Variants in KIF19 observed in about 807,000 individuals in gnomAD.
KIF19 encodes the protein kinesin-like protein KIF19.
Under a neutral mutation model 106.6 loss-of-function variants are expected in KIF19, and 98 were observed. That is an observed-to-expected ratio of 0.92 (90% CI 0.78 to 1.09). The LOEUF (loss-of-function observed/expected upper bound fraction) is 1.09, where lower values mean the gene tolerates loss of function less well. KIF19 is among the 50% of genes least tolerant of loss of function. The pLI, the probability that KIF19 is intolerant of heterozygous loss-of-function variation, is 0.00. For missense variants in KIF19, 1,373 were observed against 1,414.3 expected, an observed-to-expected ratio of 0.97 and a Z score of 0.47; for synonymous variants, 516 against 584.2, an observed-to-expected ratio of 0.88 and a Z score of 1.68.
In KIF19 at chr17:74,350,384, C is replaced by T. The variant is rs1329592855; in HGVS notation, c.1214-17C>T. 6.4e-7 allele frequency: 1 copy of T among 1,572,636 alleles called. No individual in the cohort carries two copies. On this transcript the variant is annotated splice_polypyrimidine_tract_variant and intron_variant, in intron 10 of 19. Coordinates refer to ENST00000389916, the MANE Select transcript of KIF19 (RefSeq NM_153209.4). ...CTTGCCGCCTCCTCTACCTTGCCCA[C>T]CCTCACCCATCGGCAGCTGAGGTCC...
intron 2 of KIF19, among the ~76,000 whole-genome samples, chr17:74,341,104 G>T (rs2054360425): frequency 6.6e-6 from 1 of 152,180 alleles, no homozygotes; most frequent in Non-Finnish European, 1.5e-5. Flanking sequence ...GGAGGCCGAG[G>T]CTGGCGGGTC....
Position 74,353,134 on chromosome 17 carries a change from G to C in KIF19, c.2115-62G>C, listed in dbSNP as rs2054766232. On this transcript the variant is annotated intron_variant, in intron 15 of 19. Coordinates refer to ENST00000389916, the MANE Select transcript of KIF19 (RefSeq NM_153209.4). The stretch of plus-strand genomic sequence containing the variant: ...CACCAACAGCTTCTCCCCTGGGGTG[G>C]GGGTGGGACCTCGGTGAGATAGCCT... 3 of 1,460,802 alleles carry C rather than the reference G, an allele frequency of 2.1e-6. No homozygotes were observed. In the African/African-American group the frequency reaches 4.2e-5, roughly 20 times the overall value. 90.5% of individuals were successfully genotyped at this position (1,460,802 alleles called of 1,614,324 possible).
Position 74,352,845 on chromosome 17 carries a change from C to T in KIF19, c.2005C>T (p.Pro669Ser). ...LQDSSLPKIT[P>S]AGTSLTPDSD... is the part of the protein sequence containing the mutation. ...GGACAGCTCCTTGCCCAAAATTACCCCAGCAGGAACCTCACTGACCCCAGA... is the reference window on the plus strand; with the variant it reads ...GGACAGCTCCTTGCCCAAAATTACCTCAGCAGGAACCTCACTGACCCCAGA... The change falls in exon 15 of 20, where the codon CCA (proline) becomes TCA (serine). Residue 669 changes from proline (P) to serine (S), a missense_variant. Coordinates refer to ENST00000389916, the MANE Select transcript of KIF19 (RefSeq NM_153209.4). The T allele has an allele frequency of 6.2e-7, 1 of 1,613,972 alleles. No homozygotes were observed. The highest frequency in any genetic ancestry group is 8.5e-7 in the Non-Finnish European group (1 of 1,179,880).
intron 9 of KIF19, 90 bp from the exon 10 acceptor site, chr17:74,349,094 A>G: frequency 7.6e-7 from 1 of 1,322,518 alleles, no homozygotes; most frequent in Non-Finnish European, 1.1e-6. Context: ...AGACTGGGGG[A>G]GGCAGGGGGA....
At chr17:74,342,767 C>G in intron 4 of KIF19, 50 bp downstream of exon 4, 1 of 1,523,724 alleles carries the variant, frequency 6.6e-7, no homozygotes, top group Non-Finnish European at 9.1e-7. Flanking sequence ...CCCCTGTAAT[C>G]CCCGTCACCC....
chr17:74,350,778 ACGACAGCGAGAAG>A lies in KIF19; in HGVS notation c.1461_1473del (p.Asp487GlufsTer184). On this transcript the variant is annotated frameshift_variant, in exon 12 of 20. Transcript: ENST00000389916. LOFTEE classifies it high-confidence loss of function. ...CAGCGAAAGGAGTGCTACGCTAAGG[ACGACAGCGAGAAG>A]GACTCAGACACAGGTGATGACCAAC... The A allele has an allele frequency of 1.9e-6, 3 of 1,613,996 alleles. No homozygotes were observed. Among genetic ancestry groups the A allele is most frequent in the Non-Finnish European group, 1.7e-6 (2 of 1,179,894 alleles).
rs1203014799 is a variant in KIF19, at chr17:74,346,872, C to T, written c.924+348C>T. Reference sequence around the variant, plus strand: ...GTGGGCAGTCAGCCTCATGGCCCCACAGGTCAGCTGTTTGGGGGTGGCCTC... The same window carrying T: ...GTGGGCAGTCAGCCTCATGGCCCCATAGGTCAGCTGTTTGGGGGTGGCCTC... On this transcript the variant is annotated intron_variant, in intron 8 of 19. Coordinates refer to ENST00000389916, the MANE Select transcript of KIF19 (RefSeq NM_153209.4). This position sits in a 1 kb window ranked among gnomAD's most constrained non-coding sequence, Gnocchi z 4.6. Among the ~76,000 whole-genome samples, 1 of 152,162 alleles carries T rather than the reference C, an allele frequency of 6.6e-6. No homozygotes were observed. Among genetic ancestry groups the T allele is most frequent in the Non-Finnish European group, 1.5e-5 (1 of 68,030 alleles).
chr17:74,328,527 G>A (rs1476394375), intron 2 of KIF19, 22 bp downstream of exon 2: 1 of 1,577,554 alleles, frequency 6.3e-7, no homozygotes, highest in African/African-American at 1.3e-5. Flanking sequence ...TCTGCAGCAG[G>A]AGCTGCAGGG....
chr17:74,327,857 C>T (rs946542890), intron 1 of KIF19, among the ~76,000 whole-genome samples: 1 of 152,210 alleles, frequency 6.6e-6, no homozygotes, highest in African/African-American at 2.4e-5. Flanking sequence ...AAGACGTGCT[C>T]CCCACTCCAC....
intron 4 of KIF19, 131 bp downstream of exon 4, chr17:74,342,848 C>A: frequency 1.7e-6 from 2 of 1,199,656 alleles, no homozygotes; most frequent in Admixed American, 2.1e-5. Flanking sequence ...CCAGGGCCCT[C>A]CAGCCCCAGA....
At chr17:74,332,218 G>GTGTGTT (rs1555619607) in intron 2 of KIF19, among the ~76,000 whole-genome samples, 17,673 of 106,710 alleles carry the variant, frequency 0.17, 941 homozygotes, top group Non-Finnish European at 0.24. Context: ...GTTTGTGTGT[G>GTGTGTT]TGTGTGTGTG....
At position 74,341,915 on chromosome 17, in the gene KIF19, A is replaced by C. The variant is rs2054384416; in HGVS notation, c.160A>C (p.Ile54Leu). ...GGACCCAATGGAGGATCCCGACGACATCCTGCGGGCGCATCGCTCCCGGGA... is the reference window on the plus strand; with the variant it reads ...GGACCCAATGGAGGATCCCGACGACCTCCTGCGGGCGCATCGCTCCCGGGA... ...LMDPMEDPDD[I>L]LRAHRSREKS... is the part of the protein sequence containing the mutation. The change falls in exon 3 of 20, where the codon ATC (isoleucine) becomes CTC (leucine). Residue 54 changes from isoleucine (I) to leucine (L), a missense_variant. Coordinates refer to ENST00000389916, the MANE Select transcript of KIF19 (RefSeq NM_153209.4). 6.2e-7 allele frequency: 1 copy of C among 1,613,530 alleles called. No individual in the cohort carries two copies. The highest frequency in any genetic ancestry group is 8.5e-7 in the Non-Finnish European group (1 of 1,179,824).
At chr17:74,334,148 G>A (rs2054167059) in intron 2 of KIF19, among the ~76,000 whole-genome samples, 1 of 152,092 alleles carries the variant, frequency 6.6e-6, no homozygotes, top group Non-Finnish European at 1.5e-5. Flanking sequence ...TCCTTTTGCT[G>A]GCTGAATAAT....
Position 74,352,078 on chromosome 17 carries a change from T to A in KIF19, c.1799T>A (p.Leu600Gln), listed in dbSNP as rs2054726072. The change falls in exon 13 of 20, where the codon CTG becomes CAG. Residue 600 changes from leucine (L) to glutamine (Q), a missense_variant. Physicochemically the swap from Leu to Gln is moderately radical, Grantham distance 113. Around this residue, in one of 3 missense-constraint regions of KIF19, gnomAD observed 1,020 missense variants for 1,008.2 expected, o/e 1.01. Transcript: ENST00000389916. ...CACCGCCACGAGGCCGTGCGCCGCC[T>A]GGAGCAGCACCGCAGTCTCTGCGAC... ...LRHRHEAVRR[L>Q]EQHRSLCDEI... The A allele has an allele frequency of 1.3e-6, 2 of 1,594,636 alleles. No homozygotes were observed. The highest frequency in any genetic ancestry group is 1.7e-6 in the Non-Finnish European group (2 of 1,173,130).
In KIF19 at chr17:74,346,649, G is replaced by C. The variant is rs559334220; in HGVS notation, c.924+125G>C. 6.1e-6 allele frequency: 5 copies of C among 823,430 alleles called. No individual in the cohort carries two copies. The East Asian group carries it at 1.3e-4, about 22-fold the overall frequency. 51.0% of individuals were successfully genotyped at this position (823,430 alleles called of 1,614,324 possible). On this transcript the variant is annotated intron_variant, in intron 8 of 19. Coordinates refer to ENST00000389916, the MANE Select transcript of KIF19 (RefSeq NM_153209.4). This position sits in a 1 kb window ranked among gnomAD's most constrained non-coding sequence, Gnocchi z 4.6. ...GATACACAGCAAAATTTATTTTAGCGTAAATATGTCCCATGAAATATTTGG... is the reference window on the plus strand; with the variant it reads ...GATACACAGCAAAATTTATTTTAGCCTAAATATGTCCCATGAAATATTTGG...
At chr17:74,344,195 C>T in intron 5 of KIF19, 28 bp from the exon 6 acceptor site, 1 of 1,594,670 alleles carries the variant, frequency 6.3e-7, no homozygotes, top group Non-Finnish European at 8.5e-7. Context: ...TCTCCCTTCC[C>T]CCACCCCTCC....
chr17:74,345,493 G>A (rs2054509517), intron 7 of KIF19, among the ~76,000 whole-genome samples: 2 of 152,058 alleles, frequency 1.3e-5, no homozygotes, highest in Non-Finnish European at 2.9e-5. Flanking sequence ...ATGAAGCTTG[G>A]CTTTGTGGCA....
Position 74,351,856 on chromosome 17 carries a change from G to C in KIF19, c.1588-11G>C. The C allele has an allele frequency of 7.2e-7, 1 of 1,380,544 alleles. No homozygotes were observed. The highest frequency in any genetic ancestry group is 9.3e-7 in the Non-Finnish European group (1 of 1,075,384). The allele number at this position is 1,380,544 out of a possible 1,614,324, so 85.5% of individuals were successfully genotyped here. On this transcript the variant is annotated splice_polypyrimidine_tract_variant and intron_variant, in intron 12 of 19. Transcript: ENST00000389916. ...TCCCCGCTGCCAGATGCTGACCTGC[G>C]CCTCCTGCAGCTGGCGCTGGAGCAG...
At chr17:74,350,295 G>A in intron 10 of KIF19, 106 bp from the exon 11 acceptor site, 1 of 1,056,692 alleles carries the variant, frequency 9.5e-7, no homozygotes, top group Non-Finnish European at 1.4e-6. Context: ...CAGGAAGTGG[G>A]AGCACTGAGT....
Sources: gnomAD v4.1 joint callset for allele counts (sites outside exome capture counted in the v4.1 genomes callset) on GRCh38, gnomAD v4.1.1 for gene constraint, gnomAD v4.1.1 regional missense constraint, Gnocchi (gnomAD v3.1) non-coding constraint, MANE v1.5 for transcripts, NCBI Gene and HGNC (gene_info 2026-07-23, HGNC 2026-07-21) for gene names.